Variants in TNFRSF10C observed in about 807,000 individuals in gnomAD.
The protein encoded by TNFRSF10C is TNF receptor superfamily member 10c, also known as tumor necrosis factor receptor superfamily member 10C.
TNFRSF10C carries 17 observed loss-of-function variants against 16.7 expected under a neutral mutation model. The ratio of observed to expected loss-of-function variants is 1.02; its 90% CI spans 0.70 to 1.53. TNFRSF10C has a LOEUF of 1.53. TNFRSF10C is among the 40% of genes most tolerant of loss of function. The pLI is 0.00. For synonymous variants in TNFRSF10C, 73 were observed against 119.7 expected, an observed-to-expected ratio of 0.61 and a Z score of 2.55; for missense variants, 237 against 329.7, an observed-to-expected ratio of 0.72 and a Z score of 2.18.
Position 23,103,040 on chromosome 8 carries a change from CTCT to C in TNFRSF10C, c.-81_-79del. The stretch of plus-strand genomic sequence containing the variant: ...AGGAGCGCTTCCTACCGTTAGGGAA[CTCT>C]GGGGACAGAGCGCCCCGGCCGCCTG... On this transcript the variant is annotated 5_prime_UTR_variant, in exon 1 of 5. Coordinates refer to ENST00000356864, the MANE Select transcript of TNFRSF10C (RefSeq NM_003841.5). 1 of 1,568,328 alleles carries C rather than the reference CTCT, an allele frequency of 6.4e-7. No individual in the cohort carries two copies. The highest frequency in any genetic ancestry group is 2.3e-5 in the East Asian group (1 of 42,770).
chr8:23,116,575 C>G, intron 4 of TNFRSF10C, 66 bp from the exon 5 acceptor site: 1 of 1,555,048 alleles, frequency 6.4e-7, no homozygotes, highest in Non-Finnish European at 8.7e-7. Context: ...GAGGGTGGCT[C>G]CCCTTTTATC....
chr8:23,103,355 A>C, intron 1 of TNFRSF10C, 174 bp downstream of exon 1: 1 of 1,207,584 alleles, frequency 8.3e-7, no homozygotes, highest in Non-Finnish European at 1.2e-6. Context: ...CGGGCTGGGC[A>C]GGAGGGACCC....
chr8:23,115,474 A>G, intron 3 of TNFRSF10C, 34 bp from the exon 4 acceptor site: 1 of 1,584,158 alleles, frequency 6.3e-7, no homozygotes, highest in South Asian at 1.1e-5. Flanking sequence ...ACATCAGGGA[A>G]ACACATTCCC....
chr8:23,109,245 T>G (rs1813833674), intron 1 of TNFRSF10C, among the ~76,000 whole-genome samples: 1 of 152,164 alleles, frequency 6.6e-6, no homozygotes, highest in Non-Finnish European at 1.5e-5. Context: ...TATTAAAAAC[T>G]GCTGAAGTGT....
At chr8:23,108,376 A>G (rs1354697307) in intron 1 of TNFRSF10C, among the ~76,000 whole-genome samples, 3 of 152,132 alleles carry the variant, frequency 2.0e-5, no homozygotes, top group Admixed American at 6.5e-5. Context: ...AGTGTTTTCT[A>G]TGTATTAGGA....
intron 1 of TNFRSF10C, among the ~76,000 whole-genome samples, chr8:23,110,069 CAAAAAAAAAAAAAAAAA>C (rs56263402): frequency 2.5e-5 from 1 of 39,644 alleles, no homozygotes; most frequent in Non-Finnish European, 4.0e-5. Flanking sequence ...ACCCTGTCTC[CAAAAAAAAAAAAAAAAA>C]AAAAAAAAAG....
At chr8:23,116,394 G>A (rs1024844580) in intron 4 of TNFRSF10C, among the ~76,000 whole-genome samples, 3 of 152,184 alleles carry the variant, frequency 2.0e-5, no homozygotes, top group Non-Finnish European at 2.9e-5. Flanking sequence ...GCCCAGGGAA[G>A]CTCAGTGTGT....
intron 2 of TNFRSF10C, 63 bp from the exon 3 acceptor site, chr8:23,114,594 A>G (rs1332236761): frequency 2.9e-6 from 4 of 1,391,918 alleles, no homozygotes; most frequent in Non-Finnish European, 4.1e-6. Context: ...AAGTTTCCCC[A>G]CCACTGTCAG....
intron 1 of TNFRSF10C, among the ~76,000 whole-genome samples, chr8:23,107,984 G>A (rs1813808888): frequency 1.3e-5 from 2 of 152,202 alleles, no homozygotes; most frequent in Non-Finnish European, 2.9e-5. Flanking sequence ...TTTGTTAGCG[G>A]TGGATGAGAT....
rs1563340846 is a variant in TNFRSF10C, at chr8:23,103,042, CTG to C, written c.-79_-78del. 36 of 1,569,732 alleles carry C rather than the reference CTG, an allele frequency of 2.3e-5. No homozygotes were observed. The highest frequency in any genetic ancestry group is 3.1e-5 in the Non-Finnish European group (36 of 1,157,484). ...GAGCGCTTCCTACCGTTAGGGAACT[CTG>C]GGGACAGAGCGCCCCGGCCGCCTGA... On this transcript the variant is annotated 5_prime_UTR_variant, in exon 1 of 5. It introduces an in-frame stop codon into an upstream open reading frame of the 5' UTR. Transcript: ENST00000356864.
intron 4 of TNFRSF10C, among the ~76,000 whole-genome samples, chr8:23,115,871 C>T (rs975310828): frequency 6.6e-6 from 1 of 151,990 alleles, no homozygotes; most frequent in Admixed American, 6.6e-5. Flanking sequence ...GTTCACTGGG[C>T]ACAAGAAGCA....
At chr8:23,103,344 C>A in intron 1 of TNFRSF10C, 163 bp downstream of exon 1, 1 of 1,322,130 alleles carries the variant, frequency 7.6e-7, no homozygotes, top group Non-Finnish European at 1.0e-6. Context: ...AACTGGGTCC[C>A]CGGGCTGGGC....
chr8:23,113,356 T>C (rs1403374889), intron 2 of TNFRSF10C, among the ~76,000 whole-genome samples: 1 of 152,226 alleles, frequency 6.6e-6, no homozygotes, highest in Non-Finnish European at 1.5e-5. Context: ...GGGGTCATAG[T>C]CAAGAAACCA....
At chr8:23,109,519 C>T (rs1465563012) in intron 1 of TNFRSF10C, among the ~76,000 whole-genome samples, 1 of 151,762 alleles carries the variant, frequency 6.6e-6, no homozygotes, top group Non-Finnish European at 1.5e-5. Context: ...CACCTGTAGT[C>T]CCAGTTACTT....
At chr8:23,111,581 A>G in intron 1 of TNFRSF10C, 139 bp from the exon 2 acceptor site, 1 of 707,254 alleles carries the variant, frequency 1.4e-6, no homozygotes, top group East Asian at 2.8e-5. Context: ...ACAGGTATGA[A>G]AGAATGAAAG....
In TNFRSF10C at chr8:23,111,750, CAGG is replaced by C. The variant is rs1167023350; in HGVS notation, c.96_98del (p.Glu33del). 2.5e-6 allele frequency: 4 copies of C among 1,614,024 alleles called. 1 individual carries two copies. In the South Asian group the frequency reaches 4.4e-5, roughly 18 times the overall value. On this transcript the variant is annotated inframe_deletion, in exon 2 of 5. Coordinates refer to ENST00000356864, the MANE Select transcript of TNFRSF10C (RefSeq NM_003841.5). ...AGCTTACTCTGCCACCACTGCCCGGCAGGAGGAAGTTCCCCAGCAGACAGTGGC... is the reference window on the plus strand; with the variant it reads ...AGCTTACTCTGCCACCACTGCCCGGCAGGAAGTTCCCCAGCAGACAGTGGC...
rs376900291 is a variant in TNFRSF10C, at chr8:23,115,626, C to T, written c.389+10C>T. 6 of 1,608,488 alleles carry T rather than the reference C, an allele frequency of 3.7e-6. No homozygotes were observed. The South Asian group carries it at 4.4e-5, about 12-fold the overall frequency. Reference sequence around the variant, plus strand: ...GCCGGAAGTGTAGCAGGTGAGACAGCAGTCAGGGGCTCCTGACAGCTTTCA... The same window carrying T: ...GCCGGAAGTGTAGCAGGTGAGACAGTAGTCAGGGGCTCCTGACAGCTTTCA... On this transcript the variant is annotated intron_variant, in intron 4 of 4. Transcript: ENST00000356864.
Position 23,111,832 on chromosome 8 carries a change from T to C in TNFRSF10C, c.166+7T>C, listed in dbSNP as rs750495872. 2 of 1,612,464 alleles carry C rather than the reference T, an allele frequency of 1.2e-6. No homozygotes were observed. The highest frequency in any genetic ancestry group is 1.7e-6 in the Non-Finnish European group (2 of 1,178,756). Reference sequence around the variant, plus strand: ...GGGGAGGAGTGTCCAGCAGGTGCACTCTTATTTTTAAAAATCAGTTTATTT... The same window carrying C: ...GGGGAGGAGTGTCCAGCAGGTGCACCCTTATTTTTAAAAATCAGTTTATTT... On this transcript the variant is annotated splice_region_variant and intron_variant, in intron 2 of 4. Coordinates refer to ENST00000356864, the MANE Select transcript of TNFRSF10C (RefSeq NM_003841.5).
At position 23,115,568 on chromosome 8, in the gene TNFRSF10C, G is replaced by A. The variant is rs760628420; in HGVS notation, c.341G>A (p.Gly114Asp). The A allele has an allele frequency of 1.9e-6, 3 of 1,613,332 alleles. No individual in the cohort carries two copies. Among genetic ancestry groups the A allele is most frequent in the Non-Finnish European group, 2.5e-6 (3 of 1,179,678 alleles). Residue 114 changes from glycine (G) to aspartate (D), a missense_variant, in exon 4 of 5, where the codon GGC (glycine) becomes GAC (aspartate). By Grantham distance (94) the Gly-to-Asp change is moderately conservative. Coordinates refer to ENST00000356864, the MANE Select transcript of TNFRSF10C (RefSeq NM_003841.5). Reference protein sequence around the residue: ...TRDTVCQCKEGTFRNENSPEM... With the variant: ...TRDTVCQCKEDTFRNENSPEM... The stretch of plus-strand genomic sequence containing the variant: ...GACACAGTGTGTCAGTGTAAAGAAG[G>A]CACCTTCCGGAATGAAAACTCCCCA...
Sources: allele counts gnomAD v4.1 joint callset (sites outside exome capture counted in the v4.1 genomes callset), GRCh38; gene constraint gnomAD v4.1.1; transcripts MANE v1.5; gene names NCBI Gene and HGNC (gene_info 2026-07-23, HGNC 2026-07-21).